The following PDE1C variants were observed in gnomAD, a reference collection of about 807,000 sequenced individuals.
PDE1C encodes the protein phosphodiesterase 1C, also known as dual specificity calcium/calmodulin-dependent 3',5'-cyclic nucleotide phosphodiesterase 1C.
Under a neutral mutation model 93.1 loss-of-function variants are expected in PDE1C, and 62 were observed. That is an observed-to-expected ratio of 0.67 (90% CI 0.54 to 0.82). The LOEUF (loss-of-function observed/expected upper bound fraction) is 0.82, where lower values mean the gene tolerates loss of function less well. PDE1C is among the 40% of genes least tolerant of loss of function. PDE1C has a pLI of 0.00. For missense variants in PDE1C, 742 were observed against 884.6 expected (o/e 0.84, Z 2.04); for synonymous variants, 325 against 310.1 (o/e 1.05, Z -0.50).
the PDE1C span, among the ~76,000 whole-genome samples, chr7:31,672,878 T>G: frequency 6.6e-6 from 1 of 152,204 alleles, no homozygotes; most frequent in East Asian, 1.9e-4. Flanking sequence ...AACTGGATCA[T>G]AGGGGAGCAT....
At chr7:31,816,456 C>T (rs10951305) in intron 14 of PDE1C, among the ~76,000 whole-genome samples, 30,670 of 152,032 alleles carry the variant, frequency 0.2, 3,247 homozygotes, top group Middle Eastern at 0.33. Flanking sequence ...TTCTATTGAA[C>T]GTGTTCGCTC....
chr7:32,388,308 AAG>A (rs1194247254), intron 1 of PDE1C, among the ~76,000 whole-genome samples: 1 of 152,180 alleles, frequency 6.6e-6, no homozygotes, highest in Admixed American at 6.5e-5. Flanking sequence ...ACCATAAATC[AAG>A]AGAGATGAGC....
intron 1 of PDE1C, among the ~76,000 whole-genome samples, chr7:32,384,279 A>G (rs893128543): frequency 6.6e-6 from 1 of 152,240 alleles, no homozygotes; most frequent in Non-Finnish European, 1.5e-5. Flanking sequence ...TGGATATGAA[A>G]ATAACACCTA....
chr7:31,663,094 G>A, the PDE1C span, among the ~76,000 whole-genome samples: 1 of 152,108 alleles, frequency 6.6e-6, no homozygotes, highest in Non-Finnish European at 1.5e-5. Context: ...TGCCTTCTCA[G>A]TCCTCTATCC....
At chr7:32,230,407 T>G (rs1163184180) in intron 1 of PDE1C, among the ~76,000 whole-genome samples, 2 of 152,148 alleles carry the variant, frequency 1.3e-5, no homozygotes, top group Non-Finnish European at 2.9e-5. Context: ...CTGGGCTGCC[T>G]CATTAACAGC....
intron 1 of PDE1C, among the ~76,000 whole-genome samples, chr7:32,423,065 A>T (rs1785463646): frequency 6.6e-6 from 1 of 152,194 alleles, no homozygotes; most frequent in Admixed American, 6.5e-5. Flanking sequence ...CACAGCATCT[A>T]GGAACTGGTC....
chr7:31,986,169 A>C (rs78095726), intron 2 of PDE1C, among the ~76,000 whole-genome samples: 6,025 of 152,218 alleles, frequency 0.04, 126 homozygotes, highest in South Asian at 0.088. Flanking sequence ...TTTATGGGAC[A>C]CCTTCTCTGA....
chr7:31,658,401 CT>C, the PDE1C span: 1 of 1,484,842 alleles, frequency 6.7e-7, no homozygotes, highest in Non-Finnish European at 8.9e-7. Context: ...AATTGTTTTT[CT>C]TTGTTGAGAA....
intron 1 of PDE1C, among the ~76,000 whole-genome samples, chr7:32,347,719 T>C (rs1783882341): frequency 1.3e-5 from 2 of 152,196 alleles, no homozygotes; most frequent in Non-Finnish European, 2.9e-5. Flanking sequence ...GAAGTCTTTA[T>C]TTGAAAGCCA....
chr7:31,900,070 T>C (rs768826530), intron 2 of PDE1C, among the ~76,000 whole-genome samples: 7 of 152,162 alleles, frequency 4.6e-5, no homozygotes, highest in Admixed American at 2.6e-4. Flanking sequence ...TTTTTTCATA[T>C]TGGAAAAGAG....
At position 32,086,103 on chromosome 7, in the gene PDE1C, C is replaced by T. The variant is rs1437715214; in HGVS notation, c.308+83682G>A. Among the ~76,000 whole-genome samples the T allele has an allele frequency of 2.7e-5, 4 of 150,838 alleles. No individual in the cohort carries two copies. The South Asian group carries it at 8.5e-4, about 32-fold the overall frequency. ...ATGACATGATTGTATATCTAGAAAA[C>T]CCCACTGTTTCAGCCCAAAATCTCC... On this transcript the variant is annotated intron_variant, in intron 3 of 18. Coordinates refer to the PDE1C transcript ENST00000396193.
chr7:31,902,525 T>G (rs920203683), intron 2 of PDE1C, among the ~76,000 whole-genome samples: 2 of 151,812 alleles, frequency 1.3e-5, no homozygotes, highest in African/African-American at 2.4e-5. Flanking sequence ...GCCAGAAACT[T>G]GAAAAATGTA....
rs1562686651 is a variant in PDE1C at position 32,350,581 on chromosome 7, TA to T, written c.310+77240del. Among the ~76,000 whole-genome samples the T allele has an allele frequency of 3.2e-3, 15 of 4,756 alleles. 1 individual carries two copies. The highest frequency in any genetic ancestry group is 9.9e-3 in the African/African-American group (15 of 1,516). The allele number at this position is 4,756 out of a possible 152,430, so 3.1% of individuals were successfully genotyped here. A position where few individuals can be genotyped will look rare whatever the true frequency, so the allele number is the denominator to read the frequency against. The stretch of plus-strand genomic sequence containing the variant: ...ATATATATATATATATATATATATA[TA>T]TATATATATTTTTTTTTTTTTTTTT... On this transcript the variant is annotated intron_variant, in intron 1 of 1. Coordinates refer to the PDE1C transcript ENST00000672256.
At chr7:32,192,504 T>C (rs774744663) in intron 2 of PDE1C, among the ~76,000 whole-genome samples, 1 of 152,188 alleles carries the variant, frequency 6.6e-6, no homozygotes, top group Non-Finnish European at 1.5e-5. Context: ...CAGCATATTT[T>C]TGTGGATTCA....
At chr7:32,202,041 C>T (rs958620959) in intron 2 of PDE1C, among the ~76,000 whole-genome samples, 2 of 152,208 alleles carry the variant, frequency 1.3e-5, no homozygotes, top group Non-Finnish European at 1.5e-5. Context: ...CAGGTACTCA[C>T]GGAAGCATCA....
intron 16 of PDE1C, among the ~76,000 whole-genome samples, chr7:31,807,023 C>G (rs1036432129): frequency 6.6e-6 from 1 of 151,912 alleles, no homozygotes; most frequent in Admixed American, 6.6e-5. Context: ...TTGCTTTCCA[C>G]TTCCTGCCAC....
the PDE1C span, among the ~76,000 whole-genome samples, chr7:31,695,111 A>G: frequency 2.6e-5 from 4 of 151,520 alleles, no homozygotes; most frequent in Admixed American, 6.6e-5. Flanking sequence ...AGTCTTGAGC[A>G]AAAAGAATGG....
chr7:32,047,321 C>A (rs921493792), intron 2 of PDE1C, among the ~76,000 whole-genome samples: 1 of 152,088 alleles, frequency 6.6e-6, no homozygotes, highest in Non-Finnish European at 1.5e-5. Flanking sequence ...GTCAAATTAC[C>A]ATTTCACCAC....
chr7:32,392,325 G>A (rs1360742434), intron 1 of PDE1C, among the ~76,000 whole-genome samples: 2 of 152,106 alleles, frequency 1.3e-5, no homozygotes, highest in East Asian at 3.9e-4. Context: ...GAAAGCCCAG[G>A]CCTAGGTTGC....
Sources: allele counts gnomAD v4.1 joint callset (sites outside exome capture counted in the v4.1 genomes callset), GRCh38; gene constraint gnomAD v4.1.1; transcripts MANE v1.5; gene names NCBI Gene and HGNC (gene_info 2026-07-23, HGNC 2026-07-21).